The following KHDRBS2 variants were observed in gnomAD, a reference collection of about 807,000 sequenced individuals.
KHDRBS2 encodes KH RNA binding domain containing, signal transduction associated 2.
Under a neutral mutation model 44.3 loss-of-function variants are expected in KHDRBS2, and 26 were observed. The observed-to-expected ratio is 0.59, with a 90% CI of 0.43 to 0.81. The LOEUF is 0.81. Among genes scored for constraint, KHDRBS2 ranks in the 40% least tolerant of loss-of-function variants. The pLI, the probability that KHDRBS2 is intolerant of heterozygous loss-of-function variation, is 0.00. For missense variants in KHDRBS2, 476 were observed against 433.1 expected, an observed-to-expected ratio of 1.10 and a Z score of -0.88; for synonymous variants, 194 against 151.1, an observed-to-expected ratio of 1.28 and a Z score of -2.08.
chr6:61,970,921 T>C (rs138942178), intron 4 of KHDRBS2, among the ~76,000 whole-genome samples: 1 of 152,250 alleles, frequency 6.6e-6, no homozygotes, highest in African/African-American at 2.4e-5. Flanking sequence ...AGAAGAGTTT[T>C]GTATTAGATT....
chr6:62,228,335 G>C (rs1334617784), intron 1 of KHDRBS2, among the ~76,000 whole-genome samples: 3 of 151,964 alleles, frequency 2.0e-5, no homozygotes, highest in Non-Finnish European at 2.9e-5. Context: ...ACTCTCTGAT[G>C]GTAGTTTGTA....
rs116553152 is a variant in KHDRBS2, at chr6:62,193,387, G to A, written c.92-16075C>T. ...TTGAAGTCAGACTAATCAAATATGT[G>A]TTCTAATTTTTATGGGCCTCAGAAA... On this transcript the variant is annotated intron_variant, in intron 1 of 8. Coordinates refer to ENST00000281156, the MANE Select transcript of KHDRBS2 (RefSeq NM_152688.4). 3.3e-3 allele frequency among the ~76,000 whole-genome samples: 505 copies of A among 152,056 alleles called. 1 individual carries two copies. The highest frequency in any genetic ancestry group is 0.012 in the African/African-American group (489 of 41,504).
At chr6:62,054,307 A>C (rs1224995239) in intron 2 of KHDRBS2, among the ~76,000 whole-genome samples, 1 of 152,108 alleles carries the variant, frequency 6.6e-6, no homozygotes, top group Non-Finnish European at 1.5e-5. Context: ...GACAGTATGA[A>C]GCATCCAGTC....
chr6:62,092,734 G>A (rs1799714373), intron 2 of KHDRBS2, among the ~76,000 whole-genome samples: 1 of 152,040 alleles, frequency 6.6e-6, no homozygotes, highest in Non-Finnish European at 1.5e-5. Context: ...AGTGTAAAAA[G>A]CATTTAACAA....
intron 6 of KHDRBS2, among the ~76,000 whole-genome samples, chr6:61,754,591 C>A (rs996534133): frequency 7.7e-6 from 1 of 130,224 alleles, no homozygotes; most frequent in Non-Finnish European, 1.6e-5. Context: ...TGGTTTCAGT[C>A]TTTCCCTTGA....
In KHDRBS2 at chr6:61,999,502, C is replaced by T. The variant is rs148142274; in HGVS notation, c.337-21290G>A. 7.2e-3 allele frequency among the ~76,000 whole-genome samples: 1,097 copies of T among 151,958 alleles called. 16 individuals carry two copies. Among genetic ancestry groups the T allele is most frequent in the African/African-American group, 0.024 (1,012 of 41,494 alleles). The stretch of plus-strand genomic sequence containing the variant: ...ATACTGTGGCACACTTTGGGTATAC[C>T]AAAAACACATCCTTTGGATGTGTTA... On this transcript the variant is annotated intron_variant, in intron 3 of 8. Transcript: ENST00000281156.
At chr6:61,786,954 T>C (rs1253189925) in intron 6 of KHDRBS2, among the ~76,000 whole-genome samples, 2 of 151,150 alleles carry the variant, frequency 1.3e-5, no homozygotes, top group Non-Finnish European at 3.0e-5. Flanking sequence ...ATGTTTCATT[T>C]CCCATAATTT....
chr6:61,738,298 A>G lies in KHDRBS2; in HGVS notation c.811-5534T>C, dbSNP rs149276430. On this transcript the variant is annotated intron_variant, in intron 6 of 8. Coordinates refer to ENST00000281156, the MANE Select transcript of KHDRBS2 (RefSeq NM_152688.4). The stretch of plus-strand genomic sequence containing the variant: ...ACTTTCTTCTAGCTGTAGACAGATG[A>G]TTTGATATCTCCCACAAAAAAGAAA... Among the ~76,000 whole-genome samples the G allele has an allele frequency of 5.3e-3, 804 of 152,146 alleles. 9 individuals carry two copies. The highest frequency in any genetic ancestry group is 0.019 in the African/African-American group (773 of 41,534).
chr6:62,272,919 T>C (rs1840312320), intron 1 of KHDRBS2, among the ~76,000 whole-genome samples: 1 of 152,180 alleles, frequency 6.6e-6, no homozygotes, highest in African/African-American at 2.4e-5. Context: ...AGTTCTGTTG[T>C]AGTTTACAGT....
At chr6:62,236,510 G>A (rs926337398) in intron 1 of KHDRBS2, among the ~76,000 whole-genome samples, 4 of 151,852 alleles carry the variant, frequency 2.6e-5, no homozygotes, top group African/African-American at 9.7e-5. Context: ...AGAATGGGGA[G>A]CATCAAGACC....
intron 2 of KHDRBS2, among the ~76,000 whole-genome samples, chr6:62,054,938 A>C (rs904591909): frequency 6.6e-6 from 1 of 152,080 alleles, no homozygotes; most frequent in African/African-American, 2.4e-5. Flanking sequence ...ATATAGCATA[A>C]TAGGCTATCC....
At chr6:61,824,154 T>A (rs1031794619) in intron 6 of KHDRBS2, among the ~76,000 whole-genome samples, 11 of 152,102 alleles carry the variant, frequency 7.2e-5, no homozygotes, top group African/African-American at 1.2e-4. Flanking sequence ...ATGCTCCAAT[T>A]TTTATTCATC....
intron 6 of KHDRBS2, among the ~76,000 whole-genome samples, chr6:61,889,672 T>G (rs1801520335): frequency 6.6e-6 from 1 of 152,160 alleles, no homozygotes; most frequent in Non-Finnish European, 1.5e-5. Context: ...CACCCGCATG[T>G]TCTATTATCC....
At chr6:62,048,874 G>T (rs1352812943) in intron 2 of KHDRBS2, among the ~76,000 whole-genome samples, 1 of 151,844 alleles carries the variant, frequency 6.6e-6, no homozygotes, top group South Asian at 2.1e-4. Flanking sequence ...ACTATCTTGG[G>T]AACATAAAGA....
intron 3 of KHDRBS2, among the ~76,000 whole-genome samples, chr6:61,987,442 T>C (rs182554191): frequency 8.5e-5 from 13 of 152,362 alleles, no homozygotes; most frequent in Admixed American, 7.8e-4. Context: ...TTAGCAATTA[T>C]TATTGCCATA....
chr6:61,848,483 A>G (rs1443356503), intron 6 of KHDRBS2, among the ~76,000 whole-genome samples: 3 of 49,602 alleles, frequency 6.0e-5, no homozygotes, highest in African/African-American at 1.4e-4. Context: ...ATATATATAT[A>G]TATATATGTA....
intron 1 of KHDRBS2, among the ~76,000 whole-genome samples, chr6:62,201,745 G>A (rs1267943387): frequency 6.6e-6 from 1 of 152,034 alleles, no homozygotes; most frequent in African/African-American, 2.4e-5. Context: ...CCTTAAGCTA[G>A]TGGGGCAAAT....
chr6:62,071,450 C>G (rs1795064866), intron 2 of KHDRBS2, among the ~76,000 whole-genome samples: 1 of 152,132 alleles, frequency 6.6e-6, no homozygotes, highest in South Asian at 2.1e-4. Flanking sequence ...CTTATGTTTT[C>G]TTCTAGGATT....
intron 2 of KHDRBS2, among the ~76,000 whole-genome samples, chr6:62,053,931 T>G (rs1232451488): frequency 6.6e-6 from 1 of 152,030 alleles, no homozygotes; most frequent in Non-Finnish European, 1.5e-5. Flanking sequence ...ATTAGAGAAT[T>G]TTTTTAAAGG....
Sources: allele counts gnomAD v4.1 joint callset (sites outside exome capture counted in the v4.1 genomes callset), GRCh38; gene constraint gnomAD v4.1.1; transcripts MANE v1.5; gene names NCBI Gene and HGNC (gene_info 2026-07-23, HGNC 2026-07-21).